Variants in FRMD4B observed in about 807,000 individuals in gnomAD.
FRMD4B encodes FERM domain containing 4B, also known as FERM domain-containing protein 4B.
A neutral mutation model predicts 141.5 loss-of-function variants in FRMD4B; 74 were observed. The observed-to-expected ratio is 0.52, with a 90% CI of 0.43 to 0.63. The LOEUF is 0.63. Ranked by LOEUF, FRMD4B falls within the 30% of genes least tolerant of loss-of-function variation. The probability of loss-of-function intolerance (pLI) is 0.00; values close to 1 mark genes in which losing one functional copy is unlikely to be tolerated. For missense variants in FRMD4B, 1,366 were observed against 1,253.4 expected (o/e 1.09, Z -1.36); for synonymous variants, 506 against 467.9 (o/e 1.08, Z -1.05).
chr3:69,473,464 C>T (rs1705929868), intron 1 of FRMD4B, among the ~76,000 whole-genome samples: 1 of 152,148 alleles, frequency 6.6e-6, no homozygotes, highest in South Asian at 2.1e-4. Flanking sequence ...CATCTCACTC[C>T]TCATTCTGAA....
rs11927320 is a variant in FRMD4B, at chr3:69,495,301, T to C, written c.-129+46905A>G. ...GTTTCATTTCCAGAACAGAAGAACC[T>C]GTGTGAGTTACTGCTATTACTTACA... is the stretch of plus-strand genomic sequence containing the variant. On this transcript the variant is annotated intron_variant, in intron 1 of 5. Transcript: ENST00000459638. Among the ~76,000 whole-genome samples, 1,339 of 152,344 alleles carry C rather than the reference T, an allele frequency of 8.8e-3. 24 individuals carry two copies. Among genetic ancestry groups the C allele is most frequent in the African/African-American group, 0.03 (1,265 of 41,572 alleles).
At chr3:69,413,092 G>C (rs1340729644) in intron 2 of FRMD4B, among the ~76,000 whole-genome samples, 1 of 151,754 alleles carries the variant, frequency 6.6e-6, no homozygotes, top group African/African-American at 2.4e-5. Flanking sequence ...CTCTTGATAC[G>C]CAGCACAGTG....
intron 1 of FRMD4B, among the ~76,000 whole-genome samples, chr3:69,351,228 C>T (rs1207313736): frequency 1.3e-5 from 2 of 152,052 alleles, no homozygotes; most frequent in African/African-American, 4.8e-5. Flanking sequence ...CTTACTTTTC[C>T]AGTTTAGGAA....
chr3:69,233,482 C>CAA lies in FRMD4B; in HGVS notation c.582-8794_582-8793dup, dbSNP rs747234977. 2.1e-4 allele frequency among the ~76,000 whole-genome samples: 16 copies of CAA among 76,000 alleles called. No homozygotes were observed. In the South Asian group the frequency reaches 2.1e-3, roughly 10 times the overall value. 49.9% of individuals were successfully genotyped at this position (76,000 alleles called of 152,430 possible). A position where few individuals can be genotyped will look rare whatever the true frequency, so the allele number is the denominator to read the frequency against. ...TGGGTGACAGAGTGAGACCCTGTCT[C>CAA]AAAAAAAAAAAAAAAAAGATTAACT... On this transcript the variant is annotated intron_variant, in intron 7 of 22. Coordinates refer to ENST00000398540, the MANE Select transcript of FRMD4B (RefSeq NM_015123.3).
intron 21 of FRMD4B, among the ~76,000 whole-genome samples, chr3:69,179,244 C>A (rs537075324): frequency 2.5e-4 from 38 of 152,196 alleles, no homozygotes; most frequent in African/African-American, 9.1e-4. Flanking sequence ...TTCACCTTTA[C>A]TAAGCTAGCA....
At chr3:69,200,093 A>G (rs1477989050) in intron 11 of FRMD4B, among the ~76,000 whole-genome samples, 1 of 152,218 alleles carries the variant, frequency 6.6e-6, no homozygotes. Flanking sequence ...CTTCTCTGCA[A>G]TGCACTATCA....
At chr3:69,176,722 A>C (rs73835746) in intron 21 of FRMD4B, 66 bp from the exon 22 acceptor site, 130 of 1,098,446 alleles carry the variant, frequency 1.2e-4, no homozygotes, top group Admixed American at 2.2e-4. Context: ...TGTTAAGGTC[A>C]TTCAGAGGTA....
chr3:69,333,595 G>C (rs1259716675), intron 1 of FRMD4B, among the ~76,000 whole-genome samples: 1 of 152,178 alleles, frequency 6.6e-6, no homozygotes, highest in Non-Finnish European at 1.5e-5. Context: ...ACAGGAGTAA[G>C]TTATTAATTA....
intron 11 of FRMD4B, among the ~76,000 whole-genome samples, chr3:69,203,341 A>AG (rs1553700367): frequency 0.4 from 29,912 of 74,824 alleles, 2,736 homozygotes; most frequent in Non-Finnish European, 0.46. Flanking sequence ...AAAAAAAAAA[A>AG]AAAGAAAGAA....
intron 5 of FRMD4B, among the ~76,000 whole-genome samples, chr3:69,279,724 T>G (rs1411826720): frequency 2.2e-5 from 1 of 45,372 alleles, no homozygotes; most frequent in East Asian, 7.4e-4. Flanking sequence ...CCTCCTCCCC[T>G]CCTCCTTCTC....
intron 1 of FRMD4B, among the ~76,000 whole-genome samples, chr3:69,461,593 C>T (rs978139080): frequency 1.6e-4 from 22 of 138,048 alleles, no homozygotes; most frequent in South Asian, 4.6e-4. Context: ...CACTGCACTC[C>T]GCCCTGGAGG....
intron 9 of FRMD4B, among the ~76,000 whole-genome samples, chr3:69,218,650 A>G (rs776834476): frequency 1.3e-5 from 2 of 152,212 alleles, no homozygotes; most frequent in Non-Finnish European, 2.9e-5. Flanking sequence ...TTAGGAATGT[A>G]CCATATTATA....
intron 7 of FRMD4B, among the ~76,000 whole-genome samples, chr3:69,230,205 T>C (rs557274148): frequency 5.2e-4 from 79 of 152,136 alleles, no homozygotes; most frequent in African/African-American, 1.9e-3. Context: ...CTTGAACTCC[T>C]GACCTCGTGA....
intron 8 of FRMD4B, among the ~76,000 whole-genome samples, chr3:69,223,311 C>A (rs939391455): frequency 6.6e-6 from 1 of 151,848 alleles, no homozygotes; most frequent in Admixed American, 6.6e-5. Context: ...GTCAGGAGTT[C>A]GAGACCAGCC....
At chr3:69,336,499 G>A (rs11128123) in intron 1 of FRMD4B, 69,450 of 152,136 alleles carry the variant, frequency 0.46, 16,093 homozygotes, top group Admixed American at 0.51. Context: ...GGATAAGTCT[G>A]CTTACTGTGA....
At chr3:69,227,014 C>A (rs533712355) in intron 7 of FRMD4B, among the ~76,000 whole-genome samples, 177 of 152,112 alleles carry the variant, frequency 1.2e-3, no homozygotes, top group Admixed American at 2.1e-3. Context: ...ATATCTAGTG[C>A]CTAAAGAAAT....
At chr3:69,526,176 C>A (rs773034953) in intron 1 of FRMD4B, among the ~76,000 whole-genome samples, 3 of 152,152 alleles carry the variant, frequency 2.0e-5, no homozygotes, top group Non-Finnish European at 4.4e-5. Context: ...CCAGAAGTAG[C>A]CCTCAGTTAA....
rs754064141 is a variant in FRMD4B at position 69,181,180 on chromosome 3, A to G, written c.2570T>C (p.Phe857Ser). The G allele has an allele frequency of 1.2e-6, 2 of 1,613,978 alleles. No individual in the cohort carries two copies. Among genetic ancestry groups the G allele is most frequent in the Non-Finnish European group, 1.7e-6 (2 of 1,179,892 alleles). Residue 857 changes from phenylalanine to serine, a missense_variant, in exon 21 of 23, where the codon TTT becomes TCT. Transcript: ENST00000398540. ...YERQRDYSRS[F>S]HEDEVDRVPH... ...TACCCGGTCGACCTCATCTTCGTGAAAGGATCTGCTGTAGTCCCTCTGGCG... is the reference window on the plus strand; with the variant it reads ...TACCCGGTCGACCTCATCTTCGTGAGAGGATCTGCTGTAGTCCCTCTGGCG...
chr3:69,503,619 G>A (rs1281249167), intron 1 of FRMD4B, among the ~76,000 whole-genome samples: 1 of 151,888 alleles, frequency 6.6e-6, no homozygotes, highest in Admixed American at 6.6e-5. Context: ...CACTAATATG[G>A]CACATGTATT....
Sources: gnomAD v4.1 joint callset for allele counts (sites outside exome capture counted in the v4.1 genomes callset) on GRCh38, gnomAD v4.1.1 for gene constraint, MANE v1.5 for transcripts, NCBI Gene and HGNC (gene_info 2026-07-23, HGNC 2026-07-21) for gene names.